Variants in PTPRN2 observed in about 807,000 individuals in gnomAD.
PTPRN2 encodes the protein protein tyrosine phosphatase receptor type N2.
PTPRN2 carries 74 observed loss-of-function variants against 118.8 expected under a neutral mutation model. The observed-to-expected ratio is 0.62, with a 90% CI of 0.52 to 0.76. PTPRN2 has a LOEUF of 0.76. Ranked by LOEUF, PTPRN2 falls within the 30% of genes least tolerant of loss-of-function variation. The pLI, the probability that PTPRN2 is intolerant of heterozygous loss-of-function variation, is 0.00. For missense variants in PTPRN2, 1,481 were observed against 1,394.4 expected, an observed-to-expected ratio of 1.06 and a Z score of -0.99; for synonymous variants, 641 against 608.0, an observed-to-expected ratio of 1.05 and a Z score of -0.80.
chr7:158,546,533 C>T lies in PTPRN2; in HGVS notation c.112+41025G>A, dbSNP rs1586916869. Among the ~76,000 whole-genome samples, 1 of 152,186 alleles carries T rather than the reference C, an allele frequency of 6.6e-6. No individual in the cohort carries two copies. Among genetic ancestry groups the T allele is most frequent in the South Asian group, 2.1e-4 (1 of 4,826 alleles). On this transcript the variant is annotated intron_variant, in intron 1 of 22. Coordinates refer to ENST00000389418, the MANE Select transcript of PTPRN2 (RefSeq NM_002847.5). The surrounding 1 kb of genome is among the most constrained non-coding windows in gnomAD (Gnocchi z 5.0). Reference sequence around the variant, plus strand: ...CTATAGGGCCATGAAGAAGGGGCCTCCTGATAATCCCTACCAGCAGCCAGG... The same window carrying T: ...CTATAGGGCCATGAAGAAGGGGCCTTCTGATAATCCCTACCAGCAGCCAGG...
chr7:157,788,666 G>A (rs1431974517), intron 12 of PTPRN2, among the ~76,000 whole-genome samples: 1 of 152,226 alleles, frequency 6.6e-6, no homozygotes, highest in African/African-American at 2.4e-5. Flanking sequence ...TGGGCTATGC[G>A]GGGAAGATGT....
At chr7:158,012,241 G>A (rs1380759545) in intron 11 of PTPRN2, among the ~76,000 whole-genome samples, 4 of 152,140 alleles carry the variant, frequency 2.6e-5, no homozygotes, top group Non-Finnish European at 2.9e-5. Context: ...CAGTGAGTGC[G>A]TGAATAGGTA....
chr7:158,483,740 A>G (rs1406463814), intron 2 of PTPRN2, among the ~76,000 whole-genome samples: 3 of 146,540 alleles, frequency 2.0e-5, no homozygotes, highest in African/African-American at 7.3e-5. Flanking sequence ...ATCCTTCACT[A>G]TGCTTACCTC....
At chr7:158,309,512 C>T (rs1313984557) in intron 3 of PTPRN2, among the ~76,000 whole-genome samples, 1 of 152,154 alleles carries the variant, frequency 6.6e-6, no homozygotes, top group Non-Finnish European at 1.5e-5. Flanking sequence ...TTTATATACA[C>T]ATCTATCCTA....
chr7:157,567,272 ATGAG>A (rs1242382742), intron 21 of PTPRN2, among the ~76,000 whole-genome samples: 2 of 152,256 alleles, frequency 1.3e-5, no homozygotes, highest in African/African-American at 4.8e-5. Context: ...TAAAAATATT[ATGAG>A]TGTTTGCATT....
Position 157,771,792 on chromosome 7 carries a change from G to C in PTPRN2, c.1789-88855C>G, listed in dbSNP as rs73165838. ...ATGCAGACACAGACACACACTCACAGACACAGACACAAACACACAGACACA... is the reference window on the plus strand; with the variant it reads ...ATGCAGACACAGACACACACTCACACACACAGACACAAACACACAGACACA... On this transcript the variant is annotated intron_variant, in intron 12 of 22. Coordinates refer to ENST00000389418, the MANE Select transcript of PTPRN2 (RefSeq NM_002847.5). 2.2e-3 allele frequency among the ~76,000 whole-genome samples: 225 copies of C among 100,100 alleles called. 1 individual carries two copies. The highest frequency in any genetic ancestry group is 0.012 in the African/African-American group (201 of 16,258). 65.7% of individuals were successfully genotyped at this position (100,100 alleles called of 152,430 possible). A position where few individuals can be genotyped will look rare whatever the true frequency, so the allele number is the denominator to read the frequency against.
At chr7:157,630,872 G>C (rs1803898033) in intron 14 of PTPRN2, among the ~76,000 whole-genome samples, 1 of 152,168 alleles carries the variant, frequency 6.6e-6, no homozygotes, top group Non-Finnish European at 1.5e-5. Context: ...TTGTTTGTAA[G>C]GAGGAGGCAT....
chr7:158,121,534 C>T (rs752710106), intron 9 of PTPRN2, among the ~76,000 whole-genome samples: 8 of 152,212 alleles, frequency 5.3e-5, no homozygotes, highest in Non-Finnish European at 1.2e-4. Context: ...ATGTTTGCTA[C>T]CAAATTCCAT....
chr7:158,122,426 G>A lies in PTPRN2; in HGVS notation c.1556+11251C>T, dbSNP rs185025251. On this transcript the variant is annotated intron_variant, in intron 9 of 22. Transcript: ENST00000389418. ...TCTTCCACGGTGTCCTCTCAGCCCC[G>A]GCACAGTGCTGGGTCTTCCGTGTGG... Among the ~76,000 whole-genome samples, 264 of 152,288 alleles carry A rather than the reference G, an allele frequency of 1.7e-3. 1 individual carries two copies. Among genetic ancestry groups the A allele is most frequent in the Non-Finnish European group, 2.9e-3 (196 of 68,022 alleles).
chr7:157,814,530 G>A (rs527367145), intron 12 of PTPRN2, among the ~76,000 whole-genome samples: 4 of 145,828 alleles, frequency 2.7e-5, no homozygotes, highest in Non-Finnish European at 4.5e-5. Context: ...GGGGACAGGC[G>A]GGGGCAGGAC....
chr7:158,550,147 G>A (rs1228254868), intron 1 of PTPRN2, among the ~76,000 whole-genome samples: 1 of 152,214 alleles, frequency 6.6e-6, no homozygotes, highest in Admixed American at 6.5e-5. Context: ...TGCGCACCAG[G>A]CGTCGGGGTG....
intron 5 of PTPRN2, among the ~76,000 whole-genome samples, chr7:158,180,486 T>A (rs1245244079): frequency 2.0e-5 from 3 of 151,922 alleles, no homozygotes; most frequent in African/African-American, 4.8e-5. Context: ...ATGAAAATAA[T>A]GTTGGTATTT....
intron 11 of PTPRN2, among the ~76,000 whole-genome samples, chr7:158,011,094 C>T (rs1248093413): frequency 6.6e-6 from 1 of 152,248 alleles, no homozygotes; most frequent in Non-Finnish European, 1.5e-5. Flanking sequence ...GTACAAATGA[C>T]AGGAAGGTGT....
chr7:158,285,199 C>T lies in PTPRN2; in HGVS notation c.277+31620G>A, dbSNP rs78501706. ...TGCCATTGTGAAATGACCTTCACTG[C>T]GCTCCTGCCCAGAATGTGTGGGAAG... is the stretch of plus-strand genomic sequence containing the variant. On this transcript the variant is annotated intron_variant, in intron 3 of 22. Coordinates refer to ENST00000389418, the MANE Select transcript of PTPRN2 (RefSeq NM_002847.5). Among the ~76,000 whole-genome samples the T allele has an allele frequency of 7.7e-3, 1,171 of 152,238 alleles. 31 individuals carry two copies. Among genetic ancestry groups the T allele is most frequent in the Admixed American group, 0.038 (586 of 15,294 alleles).
chr7:157,594,549 C>T (rs1801175540), intron 17 of PTPRN2, among the ~76,000 whole-genome samples: 2 of 152,234 alleles, frequency 1.3e-5, no homozygotes, highest in Admixed American at 1.3e-4. Flanking sequence ...TCCTTAGGAG[C>T]TCCTCTCTGC....
chr7:158,029,099 C>T (rs903271635), intron 11 of PTPRN2: 5 of 152,472 alleles, frequency 3.3e-5, no homozygotes, highest in African/African-American at 1.2e-4. Flanking sequence ...AGAACCCACA[C>T]CTCTGTCCTG....
intron 11 of PTPRN2, among the ~76,000 whole-genome samples, chr7:157,908,587 C>T (rs191546519): frequency 6.6e-6 from 1 of 152,316 alleles, no homozygotes; most frequent in East Asian, 1.9e-4. Context: ...CCCCACAATC[C>T]CTTTCACTTT....
At chr7:158,186,621 T>C (rs1452078198) in intron 5 of PTPRN2, among the ~76,000 whole-genome samples, 111 of 147,750 alleles carry the variant, frequency 7.5e-4, no homozygotes, top group Non-Finnish European at 3.6e-4. Flanking sequence ...CTGCCCCCTC[T>C]GTCAGAAGCC....
intron 1 of PTPRN2, among the ~76,000 whole-genome samples, chr7:158,527,681 C>T (rs1054294291): frequency 5.3e-5 from 8 of 152,206 alleles, no homozygotes; most frequent in South Asian, 4.1e-4. Context: ...GTGGGCTCCA[C>T]TCTGTGGGGG....
Sources: allele counts gnomAD v4.1 joint callset (sites outside exome capture counted in the v4.1 genomes callset), GRCh38; gene constraint gnomAD v4.1.1; non-coding constraint Gnocchi (gnomAD v3.1); transcripts MANE v1.5; gene names NCBI Gene and HGNC (gene_info 2026-07-23, HGNC 2026-07-21).